DCC: variants seen among roughly 807,000 people sequenced by gnomAD.
The protein encoded by DCC is DCC netrin 1 receptor, also known as netrin receptor DCC.
In DCC, 58 loss-of-function variants were observed where a neutral mutation model predicts 172.5. The observed-to-expected ratio is 0.34, with a 90% CI of 0.27 to 0.42. The LOEUF (loss-of-function observed/expected upper bound fraction) is 0.42. DCC is among the 10% of genes least tolerant of loss of function. The pLI, the probability that DCC is intolerant of heterozygous loss-of-function variation, is 1.00. For synonymous variants in DCC, 709 were observed against 644.5 expected (o/e 1.10, Z -1.52); for missense variants, 1,740 against 1,791.0 (o/e 0.97, Z 0.51).
intron 1 of DCC, among the ~76,000 whole-genome samples, chr18:52,713,355 C>A (rs528014114): frequency 3.3e-5 from 5 of 152,246 alleles, no homozygotes; most frequent in South Asian, 2.1e-4. Flanking sequence ...CCATGGGAAC[C>A]AGTGACCTGT....
chr18:53,157,581 G>A, intron 8 of DCC, 69 bp downstream of exon 8: 1 of 1,529,526 alleles, frequency 6.5e-7, no homozygotes, highest in Non-Finnish European at 9.0e-7. Flanking sequence ...TTGGGTAATG[G>A]CAGGAGGAGA....
chr18:52,576,706 T>C (rs2033418812), intron 1 of DCC, among the ~76,000 whole-genome samples: 1 of 151,650 alleles, frequency 6.6e-6, no homozygotes, highest in African/African-American at 2.4e-5. Context: ...GGTGGGCGCC[T>C]ATTGTGCCAG....
chr18:52,858,874 G>A (rs2039092356), intron 2 of DCC, among the ~76,000 whole-genome samples: 2 of 152,178 alleles, frequency 1.3e-5, no homozygotes, highest in South Asian at 4.1e-4. Context: ...TTTCAGGGAA[G>A]CCAAAGTTCA....
intron 1 of DCC, among the ~76,000 whole-genome samples, chr18:52,687,075 G>A (rs1313961934): frequency 6.6e-6 from 1 of 151,614 alleles, no homozygotes; most frequent in Non-Finnish European, 1.5e-5. Context: ...CCACTTACTG[G>A]GACCCACATC....
At chr18:53,345,493 A>G (rs941633558) in intron 15 of DCC, among the ~76,000 whole-genome samples, 10 of 152,162 alleles carry the variant, frequency 6.6e-5, no homozygotes, top group Non-Finnish European at 1.3e-4. Flanking sequence ...TTATGCAGTC[A>G]TGATTTTTTT....
intron 1 of DCC, among the ~76,000 whole-genome samples, chr18:52,473,415 C>A (rs559681770): frequency 2.2e-4 from 34 of 152,234 alleles, no homozygotes; most frequent in Admixed American, 1.3e-4. Flanking sequence ...CTCAATTTCA[C>A]TGTATTAATC....
At chr18:53,053,062 G>C (rs2042355333) in intron 5 of DCC, among the ~76,000 whole-genome samples, 1 of 152,132 alleles carries the variant, frequency 6.6e-6, no homozygotes, top group Admixed American at 6.5e-5. Context: ...AGAAGCACTT[G>C]AACCTGGGAG....
intron 1 of DCC, among the ~76,000 whole-genome samples, chr18:52,673,836 G>A (rs1441410804): frequency 6.6e-6 from 1 of 152,126 alleles, no homozygotes; most frequent in East Asian, 1.9e-4. Context: ...CTACCTTAGG[G>A]TTACTCATTT....
chr18:52,756,254 G>A (rs1304656048), intron 2 of DCC, among the ~76,000 whole-genome samples: 2 of 152,196 alleles, frequency 1.3e-5, no homozygotes, highest in Non-Finnish European at 2.9e-5. Context: ...AAGGGAAGCA[G>A]CGCTGAACTT....
chr18:53,187,911 T>C (rs1353381015), intron 9 of DCC, among the ~76,000 whole-genome samples: 4 of 152,214 alleles, frequency 2.6e-5, no homozygotes, highest in African/African-American at 9.7e-5. Context: ...TTACTGCTTC[T>C]AATTGTAGCT....
chr18:52,906,102 G>A lies in DCC; in HGVS notation c.471G>A (p.Val157=). The change falls in exon 3 of 29, where the codon GTG becomes GTA. Residue 157 remains valine (V), a synonymous_variant. Coordinates refer to ENST00000442544, the MANE Select transcript of DCC (RefSeq NM_005215.4). The part of the protein sequence containing the change: ...ESVTAFMGDT[V]LLKCEVIGEP... The stretch of plus-strand genomic sequence containing the variant: ...TCACAGCCTTCATGGGAGACACAGT[G>A]CTACTCAAGTGTGAAGTCATTGGGG... 1 of 1,612,916 alleles carries A rather than the reference G, an allele frequency of 6.2e-7. No homozygotes were observed. Among genetic ancestry groups the A allele is most frequent in the South Asian group, 1.1e-5 (1 of 91,062 alleles).
chr18:52,404,265 TAC>T (rs1568153400), intron 1 of DCC, among the ~76,000 whole-genome samples: 1 of 152,048 alleles, frequency 6.6e-6, no homozygotes, highest in African/African-American at 2.4e-5. Context: ...ATTGAAAATG[TAC>T]AGACATCATT....
At chr18:52,728,201 C>T (rs1237034598) in intron 1 of DCC, among the ~76,000 whole-genome samples, 1 of 151,780 alleles carries the variant, frequency 6.6e-6, no homozygotes, top group African/African-American at 2.4e-5. Context: ...CTCTCAATCT[C>T]TCTCAATGAA....
chr18:52,609,457 G>A (rs1187431681), intron 1 of DCC, among the ~76,000 whole-genome samples: 1 of 151,966 alleles, frequency 6.6e-6, no homozygotes, highest in Non-Finnish European at 1.5e-5. Flanking sequence ...CATGTATTAA[G>A]CATCCTAAGG....
At chr18:52,917,775 A>G (rs2040063008) in intron 3 of DCC, among the ~76,000 whole-genome samples, 2 of 152,152 alleles carry the variant, frequency 1.3e-5, no homozygotes. Context: ...CACCAGGATA[A>G]CAAACAGACC....
chr18:53,442,195 T>C (rs1419829790), intron 22 of DCC, among the ~76,000 whole-genome samples: 1 of 152,258 alleles, frequency 6.6e-6, no homozygotes, highest in Non-Finnish European at 1.5e-5. Flanking sequence ...TTCACATTAT[T>C]GTGCTTCACA....
chr18:52,518,320 C>T (rs1173654375), intron 1 of DCC, among the ~76,000 whole-genome samples: 1 of 152,056 alleles, frequency 6.6e-6, no homozygotes, highest in Non-Finnish European at 1.5e-5. Flanking sequence ...GGGTAGAGTT[C>T]CCAAGGAAAG....
intron 7 of DCC, among the ~76,000 whole-genome samples, chr18:53,099,137 C>T (rs2043127209): frequency 6.6e-6 from 1 of 152,074 alleles, no homozygotes; most frequent in South Asian, 2.1e-4. Context: ...TTGCCTAAAT[C>T]AGTTATTACT....
chr18:52,505,246 T>A (rs1201467769), intron 1 of DCC, among the ~76,000 whole-genome samples: 4 of 152,218 alleles, frequency 2.6e-5, no homozygotes, highest in African/African-American at 9.6e-5. Flanking sequence ...TATTTTCATC[T>A]AATGCTCTGT....
Sources: allele counts gnomAD v4.1 joint callset (sites outside exome capture counted in the v4.1 genomes callset), GRCh38; gene constraint gnomAD v4.1.1; transcripts MANE v1.5; gene names NCBI Gene and HGNC (gene_info 2026-07-23, HGNC 2026-07-21).